The following MAD1L1 variants were observed in gnomAD, a reference collection of about 807,000 sequenced individuals.
MAD1L1 encodes the protein mitotic spindle assembly checkpoint protein MAD1.
MAD1L1 carries 95 observed loss-of-function variants against 96.9 expected under a neutral mutation model. The observed-to-expected ratio is 0.98, with a 90% CI of 0.83 to 1.16. The LOEUF is 1.16. Ranked by LOEUF, MAD1L1 falls within the 50% of genes most tolerant of loss-of-function variation. MAD1L1 has a pLI of 0.00. For missense variants in MAD1L1, 1,007 were observed against 954.4 expected (o/e 1.06, Z -0.73); for synonymous variants, 473 against 396.6 (o/e 1.19, Z -2.29).
intron 17 of MAD1L1, among the ~76,000 whole-genome samples, chr7:1,915,279 G>A (rs1264009913): frequency 6.6e-6 from 1 of 152,204 alleles, no homozygotes; most frequent in African/African-American, 2.4e-5. Flanking sequence ...CCTTGGAGCG[G>A]AAGTGCTACA....
At chr7:1,939,012 CACACACACACAT>C (rs1778792127) in intron 16 of MAD1L1, among the ~76,000 whole-genome samples, 1 of 137,150 alleles carries the variant, frequency 7.3e-6, no homozygotes, top group Admixed American at 7.2e-5. Context: ...CACACACACA[CACACACACACAT>C]GGGCCAGGGC....
At chr7:2,089,636 T>G (rs1786105126) in intron 11 of MAD1L1, among the ~76,000 whole-genome samples, 1 of 150,614 alleles carries the variant, frequency 6.6e-6, no homozygotes, top group East Asian at 2.0e-4. Context: ...TCGTGTTTAA[T>G]CACACTTCCA....
At chr7:2,080,379 G>A (rs1180547777) in intron 11 of MAD1L1, among the ~76,000 whole-genome samples, 1 of 152,164 alleles carries the variant, frequency 6.6e-6, no homozygotes, top group Non-Finnish European at 1.5e-5. Context: ...GGTAACTAAA[G>A]ACATGAGTTC....
chr7:1,839,467 G>C (rs1028262667), intron 18 of MAD1L1, among the ~76,000 whole-genome samples: 1 of 152,180 alleles, frequency 6.6e-6, no homozygotes, highest in Non-Finnish European at 1.5e-5. Context: ...CTGGGCCTGG[G>C]GCGGGGAACC....
intron 17 of MAD1L1, among the ~76,000 whole-genome samples, chr7:1,917,323 C>T (rs1021713126): frequency 6.6e-6 from 1 of 152,210 alleles, no homozygotes; most frequent in African/African-American, 2.4e-5. Context: ...GCTGTGCTCA[C>T]AGGAGCCTCA....
chr7:1,961,093 G>C (rs554227064), intron 15 of MAD1L1, among the ~76,000 whole-genome samples: 1 of 152,214 alleles, frequency 6.6e-6, no homozygotes, highest in Admixed American at 6.5e-5. Flanking sequence ...ACTGTGAAGA[G>C]AGCTCCAGGG....
At chr7:1,867,620 C>T (rs545774642) in intron 18 of MAD1L1, among the ~76,000 whole-genome samples, 5 of 152,336 alleles carry the variant, frequency 3.3e-5, no homozygotes, top group Non-Finnish European at 5.9e-5. Flanking sequence ...ACCGGTGGCT[C>T]GGGCCCAATT....
chr7:1,963,987 A>T (rs1424266651), intron 15 of MAD1L1, among the ~76,000 whole-genome samples: 4 of 152,090 alleles, frequency 2.6e-5, no homozygotes, highest in African/African-American at 4.8e-5. Context: ...TTTACAAACA[A>T]CCCCCTCAGT....
intron 10 of MAD1L1, among the ~76,000 whole-genome samples, chr7:2,161,702 C>T (rs1213729930): frequency 6.6e-6 from 1 of 151,454 alleles, no homozygotes; most frequent in African/African-American, 2.4e-5. Flanking sequence ...ATGTGGGGAG[C>T]GCCTCTGCCC....
At chr7:2,221,959 G>A (rs1023561408) in intron 5 of MAD1L1, among the ~76,000 whole-genome samples, 1 of 152,108 alleles carries the variant, frequency 6.6e-6, no homozygotes, top group Non-Finnish European at 1.5e-5. Flanking sequence ...TGAGGGAAGG[G>A]CTACCTGTCG....
At chr7:2,230,244 C>A in intron 2 of MAD1L1, 101 bp from the exon 3 acceptor site, 1 of 823,840 alleles carries the variant, frequency 1.2e-6, no homozygotes, top group Non-Finnish European at 1.9e-6. Context: ...CCCTAACGCA[C>A]ATTGGAGCTC....
chr7:2,026,454 G>T (rs1782998824), intron 12 of MAD1L1, among the ~76,000 whole-genome samples: 1 of 152,178 alleles, frequency 6.6e-6, no homozygotes, highest in African/African-American at 2.4e-5. Flanking sequence ...ATGATATGTA[G>T]CTATTTACAA....
chr7:2,145,506 C>G (rs2128577797), intron 11 of MAD1L1, among the ~76,000 whole-genome samples: 1 of 152,342 alleles, frequency 6.6e-6, no homozygotes, highest in African/African-American at 2.4e-5. Flanking sequence ...CTGTGCTTCA[C>G]CAGTAAAAGG....
intron 14 of MAD1L1, among the ~76,000 whole-genome samples, chr7:1,988,167 A>AG (rs1179881926): frequency 6.6e-6 from 1 of 152,222 alleles, no homozygotes; most frequent in African/African-American, 2.4e-5. Flanking sequence ...ATCCAGGAAG[A>AG]GGGCGCTGGG....
chr7:1,938,178 G>A (rs112327408), intron 16 of MAD1L1, among the ~76,000 whole-genome samples: 1 of 93,454 alleles, frequency 1.1e-5, no homozygotes, highest in Non-Finnish European at 2.1e-5. Context: ...CCGACCTCAC[G>A]CCACACACAA....
At chr7:1,923,376 G>T (rs1282404756) in intron 17 of MAD1L1, among the ~76,000 whole-genome samples, 1 of 151,356 alleles carries the variant, frequency 6.6e-6, no homozygotes, top group Non-Finnish European at 1.5e-5. Context: ...AGCCTGAGAG[G>T]CAGTGTGGGA....
At chr7:2,069,878 G>A (rs1409110072) in intron 11 of MAD1L1, among the ~76,000 whole-genome samples, 1 of 152,368 alleles carries the variant, frequency 6.6e-6, no homozygotes, top group East Asian at 1.9e-4. Flanking sequence ...CCTTCGGGTG[G>A]CTGATGGTTC....
intron 11 of MAD1L1, among the ~76,000 whole-genome samples, chr7:2,070,152 G>T (rs779398590): frequency 3.3e-5 from 5 of 152,344 alleles, no homozygotes; most frequent in Non-Finnish European, 7.3e-5. Flanking sequence ...GGCCTCAGGG[G>T]TTTGGATCTT....
chr7:1,872,602 C>T (rs1316248134), intron 18 of MAD1L1: 2 of 152,364 alleles, frequency 1.3e-5, no homozygotes, highest in Non-Finnish European at 2.9e-5. Context: ...AGGACGCAGC[C>T]CAGGGCAGAG....
Sources: gnomAD v4.1 joint callset for allele counts (sites outside exome capture counted in the v4.1 genomes callset) on GRCh38, gnomAD v4.1.1 for gene constraint, MANE v1.5 for transcripts, NCBI Gene and HGNC (gene_info 2026-07-23, HGNC 2026-07-21) for gene names.